FYB1: variants seen among roughly 807,000 people sequenced by gnomAD.
The protein encoded by FYB1 is FYN binding protein 1.
FYB1 carries 41 observed loss-of-function variants against 94.1 expected under a neutral mutation model. The ratio of observed to expected loss-of-function variants is 0.44; its 90% confidence interval spans 0.34 to 0.57. The LOEUF (loss-of-function observed/expected upper bound fraction) is 0.57, where lower values mean the gene tolerates loss of function less well. FYB1 is among the 20% of genes least tolerant of loss of function. FYB1 has a pLI of 0.02. For missense variants in FYB1, 1,050 were observed against 976.8 expected (o/e 1.07, Z -1.00); for synonymous variants, 367 against 353.2 (o/e 1.04, Z -0.44).
rs1169108837 is a variant in FYB1, at chr5:39,107,258, T to C, written c.*185A>G. The C allele has an allele frequency of 2.5e-6, 1 of 405,806 alleles. No homozygotes were observed. The highest frequency in any genetic ancestry group is 4.6e-6 in the Non-Finnish European group (1 of 219,614). 25.1% of individuals were successfully genotyped at this position (405,806 alleles called of 1,614,324 possible). A position where few individuals can be genotyped will look rare whatever the true frequency, so the allele number is the denominator to read the frequency against. On this transcript the variant is annotated 3_prime_UTR_variant, in exon 19 of 19. Coordinates refer to ENST00000512982, the MANE Select transcript of FYB1 (RefSeq NM_001465.6). The stretch of plus-strand genomic sequence containing the variant: ...CTAATGTAGTCTTCTGAGTTAACAA[T>C]TAAGCAGAGAGATTATTTTCTATGT...
chr5:39,183,440 AGTGTCG>A (rs1294389986), intron 2 of FYB1, among the ~76,000 whole-genome samples: 3 of 152,178 alleles, frequency 2.0e-5, no homozygotes, highest in Non-Finnish European at 2.9e-5. Context: ...CACTGGGTAG[AGTGTCG>A]AGCATAAAGG....
chr5:39,195,866 G>C (rs1182771682), intron 2 of FYB1, among the ~76,000 whole-genome samples: 1 of 152,128 alleles, frequency 6.6e-6, no homozygotes, highest in African/African-American at 2.4e-5. Context: ...GCAAAGGAAA[G>C]GTTAGTTCAG....
chr5:39,189,855 C>G (rs150466588), intron 2 of FYB1, among the ~76,000 whole-genome samples: 11 of 152,354 alleles, frequency 7.2e-5, no homozygotes, highest in Admixed American at 2.0e-4. Flanking sequence ...CTAAGGGAAA[C>G]TGCTGAGTCC....
chr5:39,242,351 C>T (rs1004780430), intron 1 of FYB1, among the ~76,000 whole-genome samples: 14 of 148,728 alleles, frequency 9.4e-5, no homozygotes, highest in African/African-American at 3.5e-4. Flanking sequence ...CAAGTGTTCT[C>T]ATTGTTCAAT....
At chr5:39,188,711 T>A (rs1368311250) in intron 2 of FYB1, among the ~76,000 whole-genome samples, 4 of 152,004 alleles carry the variant, frequency 2.6e-5, no homozygotes, top group Non-Finnish European at 5.9e-5. Context: ...TTTTGTACTT[T>A]TAGTATAGAT....
Position 39,202,733 on chromosome 5 carries a change from C to T in FYB1, c.228G>A (p.Lys76=). ...GCTTTAGAAACGGGGGCTTGGGTTC[C>T]TTGTCAGGCTTTTCCTCAGAAGAAG... ...VKPSSEEKPD[K]EPKPPFLKPT... is the part of the protein sequence containing the mutation. Residue 76 remains lysine (K), a synonymous_variant, in exon 2 of 19, where the codon AAG becomes AAA. Transcript: ENST00000512982. 6.2e-7 allele frequency: 1 copy of T among 1,613,874 alleles called. No homozygotes were observed. The highest frequency in any genetic ancestry group is 2.2e-5 in the East Asian group (1 of 44,868).
rs779537001 is a variant in FYB1 at position 39,202,705 on chromosome 5, T to C, written c.256A>G (p.Thr86Ala). 4.4e-5 allele frequency: 71 copies of C among 1,613,724 alleles called. No homozygotes were observed. In the South Asian group the frequency reaches 6.1e-4, roughly 14 times the overall value. Reference sequence around the variant, plus strand: ...GTTCCGAATCTTTGGCCTGCTCCAGTGGGCTTTAGAAACGGGGGCTTGGGT... The same window carrying C: ...GTTCCGAATCTTTGGCCTGCTCCAGCGGGCTTTAGAAACGGGGGCTTGGGT... The part of the protein sequence containing the change: ...KEPKPPFLKP[T>A]GAGQRFGTPA... The change falls in exon 2 of 19, where the codon ACT (threonine) becomes GCT (alanine). Residue 86 changes from threonine to alanine, a missense_variant. Thr to Ala is a moderately conservative substitution (Grantham distance 58, BLOSUM62 0). Transcript: ENST00000512982.
At chr5:39,219,596 C>T (rs1422117056), upstream of FYB1, 28 of 985,108 alleles carry the variant, frequency 2.8e-5, no homozygotes, top group South Asian at 9.4e-5. Flanking sequence ...GGTTTTGTCC[C>T]GGTCAGTGGT....
At chr5:39,154,554 T>C (rs1743573930) in intron 2 of FYB1, among the ~76,000 whole-genome samples, 1 of 151,490 alleles carries the variant, frequency 6.6e-6, no homozygotes, top group Admixed American at 6.6e-5. Context: ...TCGCCCAGGC[T>C]GGAGTGCAGC....
intron 1 of FYB1, chr5:39,250,824 T>C (rs1348731294): frequency 1.3e-5 from 2 of 152,198 alleles, no homozygotes; most frequent in Admixed American, 1.3e-4. Context: ...AATGATATGA[T>C]ATTCTGATTT....
chr5:39,260,543 A>G (rs155451), intron 1 of FYB1, among the ~76,000 whole-genome samples: 89,604 of 152,108 alleles, frequency 0.59, 26,695 homozygotes, highest in African/African-American at 0.67. Flanking sequence ...GAACATAAAG[A>G]TTTTAAAGGA....
chr5:39,169,079 T>A, intron 2 of FYB1: 1 of 574,372 alleles, frequency 1.7e-6, no homozygotes, highest in Non-Finnish European at 3.1e-6. Flanking sequence ...GCATAATAAC[T>A]TAAAAAGTTA....
At position 39,242,968 on chromosome 5, in the gene FYB1, C is replaced by A. The variant is rs1042168849; in HGVS notation, c.-28+31435G>T. Among the ~76,000 whole-genome samples the A allele has an allele frequency of 7.7e-3, 1,170 of 152,232 alleles. 25 individuals carry two copies. Among genetic ancestry groups the A allele is most frequent in the African/African-American group, 0.027 (1,110 of 41,526 alleles). On this transcript the variant is annotated intron_variant, in intron 1 of 1. Coordinates refer to the FYB1 transcript ENST00000510188. Reference sequence around the variant, plus strand: ...GAGAAGTGTCTGTTCATATCCTTTGCCCACTTTTTGATGGGGTTGTTTGTT... The same window carrying A: ...GAGAAGTGTCTGTTCATATCCTTTGACCACTTTTTGATGGGGTTGTTTGTT...
chr5:39,207,674 A>C, intron 1 of FYB1, among the ~76,000 whole-genome samples: 1 of 152,030 alleles, frequency 6.6e-6, no homozygotes, highest in East Asian at 1.9e-4. Flanking sequence ...CTCTATTATT[A>C]GGAACAGGAT....
chr5:39,251,015 G>T (rs949614540), intron 1 of FYB1, among the ~76,000 whole-genome samples: 1 of 152,152 alleles, frequency 6.6e-6, no homozygotes, highest in African/African-American at 2.4e-5. Context: ...ATGGTCAAAA[G>T]ATGAAAGGAT....
chr5:39,244,067 T>C (rs1235648411), intron 1 of FYB1, among the ~76,000 whole-genome samples: 1 of 152,180 alleles, frequency 6.6e-6, no homozygotes, highest in African/African-American at 2.4e-5. Context: ...TTTCTAAATA[T>C]ACAATCATGT....
At chr5:39,198,352 T>C (rs1748012730) in intron 2 of FYB1, among the ~76,000 whole-genome samples, 1 of 152,210 alleles carries the variant, frequency 6.6e-6, no homozygotes, top group Non-Finnish European at 1.5e-5. Flanking sequence ...ACATTACTAA[T>C]AGATAACCTG....
intron 16 of FYB1, among the ~76,000 whole-genome samples, chr5:39,112,183 C>T (rs1216958427): frequency 6.6e-6 from 1 of 151,872 alleles, no homozygotes; most frequent in African/African-American, 2.4e-5. Context: ...TATCTGTACC[C>T]ATATAGGGCT....
chr5:39,270,122 A>G (rs933527608), intron 1 of FYB1, among the ~76,000 whole-genome samples: 15 of 152,132 alleles, frequency 9.9e-5, no homozygotes, highest in African/African-American at 3.6e-4. Flanking sequence ...AAAAAAATAC[A>G]TTTTCAAACA....
Sources: allele counts gnomAD v4.1 joint callset (sites outside exome capture counted in the v4.1 genomes callset), GRCh38; gene constraint gnomAD v4.1.1; transcripts MANE v1.5; gene names NCBI Gene and HGNC (gene_info 2026-07-23, HGNC 2026-07-21).